NPSR1: variants seen among roughly 807,000 people sequenced by gnomAD.
NPSR1 encodes the protein neuropeptide S receptor.
Under a neutral mutation model 46.9 loss-of-function variants are expected in NPSR1, and 48 were observed. The observed-to-expected ratio is 1.02, with a 90% CI of 0.81 to 1.30. NPSR1 has a LOEUF of 1.30. NPSR1 is among the 50% of genes most tolerant of loss of function. The probability of loss-of-function intolerance (pLI) is 0.00; values close to 1 mark genes in which losing one functional copy is unlikely to be tolerated. For synonymous variants in NPSR1, 176 were observed against 168.1 expected (o/e 1.05, Z -0.36); for missense variants, 450 against 449.5 (o/e 1.00, Z -0.01).
chr7:34,681,799 C>T (rs1343885309), intron 1 of NPSR1, among the ~76,000 whole-genome samples: 1 of 151,086 alleles, frequency 6.6e-6, no homozygotes, highest in Non-Finnish European at 1.5e-5. Flanking sequence ...ACCTCTAAAT[C>T]CCCTAAATCT....
At chr7:34,797,653 C>T (rs138735962) in intron 3 of NPSR1, among the ~76,000 whole-genome samples, 2 of 152,016 alleles carry the variant, frequency 1.3e-5, no homozygotes, top group Admixed American at 1.3e-4. Context: ...TAATGGCAAA[C>T]ACCAATCCAG....
chr7:34,794,737 GA>G, intron 3 of NPSR1, among the ~76,000 whole-genome samples: 1 of 151,714 alleles, frequency 6.6e-6, no homozygotes, highest in East Asian at 1.9e-4. Flanking sequence ...ATATTGCAAG[GA>G]AAAAAACACA....
chr7:34,750,978 C>A, intron 2 of NPSR1: 1 of 766,836 alleles, frequency 1.3e-6, no homozygotes, highest in Non-Finnish European at 2.4e-6. Context: ...GATTGCATTG[C>A]CCTTGTGGAA....
chr7:34,823,561 A>G (rs1789677340), intron 4 of NPSR1, among the ~76,000 whole-genome samples: 2 of 152,158 alleles, frequency 1.3e-5, no homozygotes, highest in Admixed American at 1.3e-4. Flanking sequence ...TTAGGAGAGT[A>G]TAAGGAAATT....
chr7:34,789,726 G>A (rs1787632294), intron 3 of NPSR1, among the ~76,000 whole-genome samples: 1 of 104,920 alleles, frequency 9.5e-6, no homozygotes, highest in South Asian at 3.6e-4. Context: ...CCAGGAGGCA[G>A]AAGTTGCAGT....
intron 8 of NPSR1, among the ~76,000 whole-genome samples, chr7:34,859,451 C>T (rs968540150): frequency 1.2e-4 from 18 of 151,386 alleles, no homozygotes; most frequent in South Asian, 6.3e-4. Context: ...CCCCACTATG[C>T]GGTGATGTTA....
At position 34,735,904 on chromosome 7, in the gene NPSR1, T is replaced by C. The variant is rs184396795; in HGVS notation, c.281-42558T>C. ...ACTATTGACAATAAAATTGTAATAG[T>C]ATAAAAAAATCTCAACATGAATAAA... is the stretch of plus-strand genomic sequence containing the variant. On this transcript the variant is annotated intron_variant, in intron 2 of 8. Coordinates refer to ENST00000360581, the MANE Select transcript of NPSR1 (RefSeq NM_207172.2). 2.7e-4 allele frequency among the ~76,000 whole-genome samples: 41 copies of C among 152,178 alleles called. 1 individual carries two copies. In the Middle Eastern group the frequency reaches 0.014, roughly 50 times the overall value.
At chr7:34,792,074 A>G (rs1353368892) in intron 3 of NPSR1, among the ~76,000 whole-genome samples, 3 of 152,174 alleles carry the variant, frequency 2.0e-5, no homozygotes, top group African/African-American at 7.2e-5. Flanking sequence ...CTCAAAACAG[A>G]TTAAAGACTT....
At chr7:34,663,456 C>T (rs1409522306) in intron 1 of NPSR1, among the ~76,000 whole-genome samples, 2 of 152,174 alleles carry the variant, frequency 1.3e-5, no homozygotes, top group African/African-American at 4.8e-5. Flanking sequence ...CTACGCTATA[C>T]AACTTCCACC....
At chr7:34,792,725 A>ATGTGTATATATATATT (rs1174651923) in intron 3 of NPSR1, among the ~76,000 whole-genome samples, 1 of 110,804 alleles carries the variant, frequency 9.0e-6, no homozygotes, top group Non-Finnish European at 1.9e-5. Flanking sequence ...TTATATATAT[A>ATGTGTATATATATATT]TATATATATT....
chr7:34,690,948 G>A (rs1265707023), intron 2 of NPSR1, among the ~76,000 whole-genome samples: 2 of 152,090 alleles, frequency 1.3e-5, no homozygotes, highest in Non-Finnish European at 2.9e-5. Context: ...AAGTCAACAT[G>A]AAGGAAAAAA....
At chr7:34,793,421 A>AT (rs1402786515) in intron 3 of NPSR1, among the ~76,000 whole-genome samples, 6 of 152,148 alleles carry the variant, frequency 3.9e-5, no homozygotes, top group Non-Finnish European at 7.4e-5. Flanking sequence ...TTTCTCAAAA[A>AT]ATATATATAC....
rs1172484051 is a variant in NPSR1, at chr7:34,834,267, G to A, written c.681-117G>A. On this transcript the variant is annotated intron_variant, in intron 5 of 8. Coordinates refer to ENST00000360581, the MANE Select transcript of NPSR1 (RefSeq NM_207172.2). The stretch of plus-strand genomic sequence containing the variant: ...ACAGCAAGTATAAGGGGGCAGGCAT[G>A]GTTAAAAGATCTGTCCCTTCACACC... The A allele has an allele frequency of 7.9e-6, 6 of 758,162 alleles. No individual in the cohort carries two copies. The South Asian group carries it at 9.4e-5, about 12-fold the overall frequency. 47.0% of individuals were successfully genotyped at this position (758,162 alleles called of 1,614,324 possible).
intron 5 of NPSR1, among the ~76,000 whole-genome samples, chr7:34,832,853 T>G (rs1035050543): frequency 9.9e-5 from 15 of 152,224 alleles, no homozygotes; most frequent in African/African-American, 3.4e-4. Context: ...TTGCACAGTA[T>G]TTCACTTTCT....
At chr7:34,870,527 A>T (rs1052584106) in intron 8 of NPSR1, among the ~76,000 whole-genome samples, 3 of 151,814 alleles carry the variant, frequency 2.0e-5, no homozygotes, top group Admixed American at 1.3e-4. Flanking sequence ...AGCTAAAATT[A>T]TTCCATACCT....
intron 2 of NPSR1, among the ~76,000 whole-genome samples, chr7:34,748,564 G>A (rs324398): frequency 6.6e-6 from 1 of 152,026 alleles, no homozygotes; most frequent in Non-Finnish European, 1.5e-5. Flanking sequence ...CCATACAACC[G>A]GGAATTCCTA....
chr7:34,705,874 C>A (rs1794079939), intron 2 of NPSR1, among the ~76,000 whole-genome samples: 1 of 151,428 alleles, frequency 6.6e-6, no homozygotes, highest in Non-Finnish European at 1.5e-5. Flanking sequence ...AGTTTTCTTC[C>A]CCATTCTTGG....
chr7:34,803,720 T>C (rs1788548220), intron 3 of NPSR1, among the ~76,000 whole-genome samples: 1 of 132,872 alleles, frequency 7.5e-6, no homozygotes, highest in South Asian at 2.3e-4. Flanking sequence ...AGTATAATAG[T>C]AATAAAATAA....
At chr7:34,873,077 G>C (rs375401709) in intron 8 of NPSR1, among the ~76,000 whole-genome samples, 1 of 151,838 alleles carries the variant, frequency 6.6e-6, no homozygotes, top group East Asian at 1.9e-4. Context: ...GAGCCTTAGG[G>C]CCTGGACAAA....
Sources: gnomAD v4.1 joint callset for allele counts (sites outside exome capture counted in the v4.1 genomes callset) on GRCh38, gnomAD v4.1.1 for gene constraint, MANE v1.5 for transcripts, NCBI Gene and HGNC (gene_info 2026-07-23, HGNC 2026-07-21) for gene names.